The following TMC7 variants were observed in gnomAD, a reference collection of about 807,000 sequenced individuals.
TMC7 encodes transmembrane channel-like protein 7.
In TMC7, 54 loss-of-function variants were observed where a neutral mutation model predicts 82.9. That is an observed-to-expected ratio of 0.65 (90% confidence interval 0.52 to 0.82). TMC7 has a LOEUF of 0.82. Among genes scored for constraint, TMC7 ranks in the 40% least tolerant of loss-of-function variants. The pLI, the probability that TMC7 is intolerant of heterozygous loss-of-function variation, is 0.00. For synonymous variants in TMC7, 350 were observed against 337.9 expected (o/e 1.04, Z -0.39); for missense variants, 820 against 901.2 (o/e 0.91, Z 1.15).
intron 13 of TMC7, among the ~76,000 whole-genome samples, chr16:19,053,051 T>C (rs1961608187): frequency 6.6e-6 from 1 of 152,176 alleles, no homozygotes. Context: ...TCTGTATGTG[T>C]TTTGTTGCTC....
intron 12 of TMC7, 146 bp downstream of exon 12, chr16:19,047,395 T>G: frequency 1.4e-6 from 1 of 710,532 alleles, no homozygotes. Flanking sequence ...TCTAGAAAAA[T>G]ATTGCTTTTT....
intron 1 of TMC7, among the ~76,000 whole-genome samples, chr16:18,990,197 G>T (rs2038925893): frequency 6.6e-6 from 1 of 152,112 alleles, no homozygotes; most frequent in African/African-American, 2.4e-5. Flanking sequence ...GATCAGTTAG[G>T]ATGGGGCAGA....
intron 1 of TMC7, among the ~76,000 whole-genome samples, chr16:19,000,042 C>T (rs1336163663): frequency 6.6e-5 from 10 of 151,966 alleles, no homozygotes; most frequent in African/African-American, 1.4e-4. Flanking sequence ...GGATTACAGG[C>T]GTGTAATCAC....
chr16:18,993,176 A>G (rs373974450), intron 1 of TMC7, among the ~76,000 whole-genome samples: 1 of 152,164 alleles, frequency 6.6e-6, no homozygotes, highest in Non-Finnish European at 1.5e-5. Flanking sequence ...GGGAATGAGA[A>G]CAAGAGTGAG....
intron 13 of TMC7, among the ~76,000 whole-genome samples, chr16:19,053,481 G>A (rs991047407): frequency 6.6e-6 from 1 of 151,734 alleles, no homozygotes. Flanking sequence ...TTGGCTCACC[G>A]CAACCTCTGC....
chr16:19,034,562 C>A (rs1049544904), intron 6 of TMC7, among the ~76,000 whole-genome samples: 1 of 152,122 alleles, frequency 6.6e-6, no homozygotes, highest in East Asian at 1.9e-4. Flanking sequence ...TGCACCACTG[C>A]ACTCCAGCCT....
At chr16:19,049,058 C>A (rs990493958) in intron 12 of TMC7, among the ~76,000 whole-genome samples, 3 of 152,026 alleles carry the variant, frequency 2.0e-5, no homozygotes, top group Non-Finnish European at 4.4e-5. Flanking sequence ...TGAGACAGGG[C>A]CTCACTCCAA....
intron 1 of TMC7, among the ~76,000 whole-genome samples, chr16:19,002,405 T>C (rs2039157350): frequency 6.6e-6 from 1 of 152,022 alleles, no homozygotes; most frequent in East Asian, 1.9e-4. Flanking sequence ...CCGGCTAATT[T>C]TGTATTTTTT....
At chr16:18,988,788 A>G (rs1187804870) in intron 1 of TMC7, among the ~76,000 whole-genome samples, 2 of 152,084 alleles carry the variant, frequency 1.3e-5, no homozygotes, top group African/African-American at 4.8e-5. Context: ...AGTGCCTCAC[A>G]CCTGTAATCC....
At chr16:19,002,014 C>T (rs1226335101) in intron 1 of TMC7, among the ~76,000 whole-genome samples, 1 of 152,144 alleles carries the variant, frequency 6.6e-6, no homozygotes, top group African/African-American at 2.4e-5. Flanking sequence ...TACGGTTGGG[C>T]AAGTTTCTTG....
At chr16:19,040,892 CTTT>C (rs113968068) in intron 9 of TMC7, among the ~76,000 whole-genome samples, 10 of 133,816 alleles carry the variant, frequency 7.5e-5, no homozygotes, top group Non-Finnish European at 8.0e-5. Context: ...TTCTTTGATT[CTTT>C]TTTTTTTTTT....
intron 3 of TMC7, among the ~76,000 whole-genome samples, chr16:19,020,327 G>A (rs1035811357): frequency 2.6e-5 from 4 of 152,126 alleles, no homozygotes; most frequent in African/African-American, 9.7e-5. Context: ...CATCCTGGAA[G>A]TTCTAGCCAA....
chr16:19,039,657 T>C (rs2142264831), intron 8 of TMC7, among the ~76,000 whole-genome samples: 1 of 152,250 alleles, frequency 6.6e-6, no homozygotes, highest in Non-Finnish European at 1.5e-5. Flanking sequence ...AAGCAGGGAA[T>C]TGCTATTTCA....
chr16:19,045,446 C>G lies in TMC7; in HGVS notation c.1553+8C>G, dbSNP rs74790534. ...CGTGGATTTTCCTAGAAAGTAAGTG[C>G]GAGGGGTGCCCATATTATCCCCCCC... On this transcript the variant is annotated splice_region_variant and intron_variant, in intron 11 of 15. Coordinates refer to ENST00000304381, the MANE Select transcript of TMC7 (RefSeq NM_024847.4). 1 of 1,595,990 alleles carries G rather than the reference C, an allele frequency of 6.3e-7. No homozygotes were observed. Among genetic ancestry groups the G allele is most frequent in the African/African-American group, 1.3e-5 (1 of 74,602 alleles).
chr16:19,045,561 A>G (rs1596786134), intron 11 of TMC7, 123 bp downstream of exon 11: 1 of 663,464 alleles, frequency 1.5e-6, no homozygotes, highest in East Asian at 2.6e-5. Context: ...ATGACTCTAC[A>G]GCCCTGGAAA....
intron 1 of TMC7, among the ~76,000 whole-genome samples, chr16:18,986,264 A>T (rs2038846245): frequency 2.0e-5 from 3 of 151,616 alleles, no homozygotes; most frequent in African/African-American, 7.3e-5. Context: ...GTGTGGTGGC[A>T]TGCACCTGTA....
chr16:19,035,710 A>G lies in TMC7; in HGVS notation c.892A>G (p.Ser298Gly), dbSNP rs1960714097. 6.2e-7 allele frequency: 1 copy of G among 1,614,044 alleles called. No individual in the cohort carries two copies. The highest frequency in any genetic ancestry group is 1.7e-5 in the Admixed American group (1 of 59,988). ...AGGATTCAAAATCAACCTGATTCGG[A>G]GTGAGGAGCACTTTCAGAGTTACTG... is the stretch of plus-strand genomic sequence containing the variant. ...VEGFKINLIR[S>G]EEHFQSYCNK... is the part of the protein sequence containing the mutation. Residue 298 changes from serine to glycine, a missense_variant, in exon 7 of 16, where the codon AGT becomes GGT. Physicochemically the swap from Ser to Gly is moderately conservative, Grantham distance 56. This residue lies in a region of TMC7 where 650 missense variants were observed against 669.9 expected (regional missense o/e 0.97). Transcript: ENST00000304381.
Position 19,059,660 on chromosome 16 carries a change from C to T in TMC7, c.2106+166C>T, listed in dbSNP as rs1416501039. 5 of 1,543,844 alleles carry T rather than the reference C, an allele frequency of 3.2e-6. No homozygotes were observed. In the Admixed American group the frequency reaches 9.8e-5, roughly 30 times the overall value. On this transcript the variant is annotated intron_variant, in intron 15 of 15. Coordinates refer to ENST00000304381, the MANE Select transcript of TMC7 (RefSeq NM_024847.4). ...CCAGCCGCGTCCAGCTTCATTAATT[C>T]ACTGATTCATCCATTCCTTCAAGAT...
chr16:19,029,472 A>G (rs1026313451), intron 5 of TMC7, among the ~76,000 whole-genome samples: 9 of 152,180 alleles, frequency 5.9e-5, no homozygotes, highest in Admixed American at 1.3e-4. Context: ...CAGTAGCACA[A>G]ACACGGCTTA....
Sources: allele counts gnomAD v4.1 joint callset (sites outside exome capture counted in the v4.1 genomes callset), GRCh38; gene constraint gnomAD v4.1.1; regional missense constraint gnomAD v4.1.1; transcripts MANE v1.5; gene names NCBI Gene and HGNC (gene_info 2026-07-23, HGNC 2026-07-21).